SLC16A12: variants seen among roughly 807,000 people sequenced by gnomAD.
SLC16A12 encodes the protein solute carrier family 16 member 12, also known as monocarboxylate transporter 12.
Under a neutral mutation model 42.4 loss-of-function variants are expected in SLC16A12, and 17 were observed. The observed-to-expected ratio is 0.40, with a 90% CI of 0.27 to 0.60. The LOEUF (loss-of-function observed/expected upper bound fraction) is 0.60, where lower values mean the gene tolerates loss of function less well. Ranked by LOEUF, SLC16A12 falls within the 20% of genes least tolerant of loss-of-function variation. SLC16A12 has a pLI of 0.42. For missense variants in SLC16A12, 544 were observed against 623.0 expected (o/e 0.87, Z 1.35); for synonymous variants, 224 against 229.4 (o/e 0.98, Z 0.21).
At chr10:89,487,964 GTATATATATATATATATATA>G (rs147234370) in intron 2 of SLC16A12, among the ~76,000 whole-genome samples, 1 of 126,718 alleles carries the variant, frequency 7.9e-6, no homozygotes, top group African/African-American at 2.9e-5. Context: ...TGGTGTGTGT[GTATATATATATATATATATA>G]TATATATATA....
chr10:89,518,272 G>A (rs1462408955), intron 2 of SLC16A12, among the ~76,000 whole-genome samples: 1 of 152,180 alleles, frequency 6.6e-6, no homozygotes, highest in Non-Finnish European at 1.5e-5. Context: ...AAGGTTGGCT[G>A]CCAGGGGCAC....
intron 7 of SLC16A12, among the ~76,000 whole-genome samples, chr10:89,434,528 G>C (rs1395916988): frequency 6.6e-6 from 1 of 152,214 alleles, no homozygotes; most frequent in African/African-American, 2.4e-5. Flanking sequence ...AAACTGAACA[G>C]GGTTTTGTCA....
intron 3 of SLC16A12, among the ~76,000 whole-genome samples, chr10:89,447,405 C>G (rs1424470389): frequency 6.6e-6 from 1 of 152,120 alleles, no homozygotes; most frequent in Non-Finnish European, 1.5e-5. Flanking sequence ...ACAATAAACT[C>G]TCTCTCAGAC....
At chr10:89,516,199 A>C (rs1046022897) in intron 2 of SLC16A12, among the ~76,000 whole-genome samples, 2 of 152,072 alleles carry the variant, frequency 1.3e-5, no homozygotes, top group African/African-American at 4.8e-5. Context: ...TTTTTTGTTG[A>C]ATTTGTTCAC....
upstream of SLC16A12, among the ~76,000 whole-genome samples, chr10:89,538,523 G>C (rs963357504): frequency 6.6e-6 from 1 of 152,162 alleles, no homozygotes; most frequent in African/African-American, 2.4e-5. Flanking sequence ...ATCACAGAAA[G>C]TTCTACTGGA....
At chr10:89,554,147 A>AAGGAAGGTAG (rs1363375178) in intron 2 of SLC16A12, among the ~76,000 whole-genome samples, 4 of 93,022 alleles carry the variant, frequency 4.3e-5, no homozygotes, top group African/African-American at 2.3e-4. Flanking sequence ...AAGGAAGGAA[A>AAGGAAGGTAG]GAAAGAAAGA....
intron 2 of SLC16A12, among the ~76,000 whole-genome samples, chr10:89,507,287 T>C (rs1401136255): frequency 6.6e-6 from 1 of 151,170 alleles, no homozygotes; most frequent in Non-Finnish European, 1.5e-5. Flanking sequence ...CTCACCAAGG[T>C]TGAAATGAAG....
intron 7 of SLC16A12, among the ~76,000 whole-genome samples, chr10:89,435,001 T>C (rs1419934936): frequency 6.6e-6 from 1 of 152,268 alleles, no homozygotes; most frequent in Non-Finnish European, 1.5e-5. Context: ...CTCTCCAGCA[T>C]GATAAACACA....
chr10:89,504,704 T>G (rs1415029624), intron 2 of SLC16A12, among the ~76,000 whole-genome samples: 1 of 152,034 alleles, frequency 6.6e-6, no homozygotes, highest in Non-Finnish European at 1.5e-5. Context: ...CCTTGGTGAG[T>G]GAACAAACCC....
At chr10:89,501,880 G>A (rs1453361310) in intron 2 of SLC16A12, among the ~76,000 whole-genome samples, 1 of 152,162 alleles carries the variant, frequency 6.6e-6, no homozygotes, top group Non-Finnish European at 1.5e-5. Flanking sequence ...CTCCATGCAG[G>A]AGGGACACTT....
At chr10:89,531,673 A>G (rs1843557017) in intron 2 of SLC16A12, among the ~76,000 whole-genome samples, 1 of 152,192 alleles carries the variant, frequency 6.6e-6, no homozygotes, top group African/African-American at 2.4e-5. Context: ...CAGAGAGGTG[A>G]TAAGTGTCTA....
At chr10:89,529,053 T>C (rs1393371274) in intron 2 of SLC16A12, among the ~76,000 whole-genome samples, 1 of 152,248 alleles carries the variant, frequency 6.6e-6, no homozygotes, top group African/African-American at 2.4e-5. Flanking sequence ...GATAGTTGTC[T>C]GGTTGAACTA....
At chr10:89,537,147 T>TTG (rs557118714), upstream of SLC16A12, among the ~76,000 whole-genome samples, 10 of 101,610 alleles carry the variant, frequency 9.8e-5, no homozygotes, top group South Asian at 6.4e-4. Flanking sequence ...GTAGGTATGT[T>TTG]TTTTTTTTTT....
At chr10:89,549,112 T>C (rs1843756761) in intron 2 of SLC16A12, among the ~76,000 whole-genome samples, 1 of 152,196 alleles carries the variant, frequency 6.6e-6, no homozygotes, top group South Asian at 2.1e-4. Flanking sequence ...CCAGCTTTGT[T>C]TGGGGCTGAT....
At chr10:89,478,796 C>T (rs954072807) in intron 2 of SLC16A12, among the ~76,000 whole-genome samples, 5 of 152,218 alleles carry the variant, frequency 3.3e-5, no homozygotes, top group Non-Finnish European at 7.3e-5. Context: ...GCTATTCACT[C>T]CTGGAAACAC....
chr10:89,481,345 T>A (rs1275659095), intron 2 of SLC16A12, among the ~76,000 whole-genome samples: 2 of 152,200 alleles, frequency 1.3e-5, no homozygotes, highest in African/African-American at 2.4e-5. Context: ...TGTGTACATT[T>A]TTTTTTCCAT....
chr10:89,503,850 G>A (rs1426863674), intron 2 of SLC16A12, among the ~76,000 whole-genome samples: 1 of 152,190 alleles, frequency 6.6e-6, no homozygotes, highest in African/African-American at 2.4e-5. Flanking sequence ...GGCTGTGGAG[G>A]AAGACAAGTC....
In SLC16A12 at chr10:89,443,904, A is replaced by G. The variant is rs766029616; in HGVS notation, c.201-45T>C. On this transcript the variant is annotated intron_variant, in intron 3 of 7. Coordinates refer to ENST00000371790, the MANE Select transcript of SLC16A12 (RefSeq NM_213606.4). ...CATTTTATACAAAAAATGAATGAGC[A>G]TGCATTTGAGCCAGAACTTAAAATG... The G allele has an allele frequency of 6.4e-6, 8 of 1,259,736 alleles. No homozygotes were observed. In the Admixed American group the frequency reaches 1.4e-4, roughly 22 times the overall value. The allele number at this position is 1,259,736 out of a possible 1,614,324, so 78.0% of individuals were successfully genotyped here.
At chr10:89,524,178 A>C (rs1449082166) in intron 2 of SLC16A12, among the ~76,000 whole-genome samples, 5 of 152,210 alleles carry the variant, frequency 3.3e-5, no homozygotes, top group Non-Finnish European at 7.3e-5. Context: ...ATAAGGCATT[A>C]ATCTTATTTC....
Sources: gnomAD v4.1 joint callset for allele counts (sites outside exome capture counted in the v4.1 genomes callset) on GRCh38, gnomAD v4.1.1 for gene constraint, MANE v1.5 for transcripts, NCBI Gene and HGNC (gene_info 2026-07-23, HGNC 2026-07-21) for gene names.